Variants in CAP1 observed in about 807,000 individuals in gnomAD.
The protein encoded by CAP1 is adenylyl cyclase-associated protein 1.
CAP1 carries 11 observed loss-of-function variants against 58.2 expected under a neutral mutation model. The observed-to-expected ratio is 0.19, with a 90% CI of 0.12 to 0.31. The LOEUF is 0.31. Among genes scored for constraint, CAP1 ranks in the 10% least tolerant of loss-of-function variants. The pLI, the probability that CAP1 is intolerant of heterozygous loss-of-function variation, is 1.00. For synonymous variants in CAP1, 183 were observed against 213.8 expected, an observed-to-expected ratio of 0.86 and a Z score of 1.26; for missense variants, 423 against 587.5, an observed-to-expected ratio of 0.72 and a Z score of 2.89.
chr1:40,064,822 A>C (rs990021498), intron 6 of CAP1, among the ~76,000 whole-genome samples: 3 of 152,114 alleles, frequency 2.0e-5, no homozygotes, highest in Non-Finnish European at 4.4e-5. Context: ...TGGTCTCCCC[A>C]AAGTGCTGGG....
chr1:40,052,944 G>T (rs1037302441), intron 1 of CAP1, among the ~76,000 whole-genome samples: 2 of 151,978 alleles, frequency 1.3e-5, no homozygotes, highest in African/African-American at 4.8e-5. Flanking sequence ...CAAAAAATTG[G>T]CCAGGCATGG....
At chr1:40,061,705 TC>T in intron 3 of CAP1, 29 bp from the exon 4 acceptor site, 1 of 1,584,608 alleles carries the variant, frequency 6.3e-7, no homozygotes, top group Non-Finnish European at 8.7e-7. Flanking sequence ...TTATAATGTG[TC>T]ATCAATAGCT....
chr1:40,047,833 C>A (rs1413485228), intron 1 of CAP1, among the ~76,000 whole-genome samples: 1 of 152,192 alleles, frequency 6.6e-6, no homozygotes, highest in Non-Finnish European at 1.5e-5. Flanking sequence ...TTACTCACTC[C>A]TGGAGTTTCA....
upstream of CAP1, chr1:40,040,447 G>A (rs1335341781): frequency 1.3e-5 from 2 of 152,300 alleles, no homozygotes; most frequent in African/African-American, 4.8e-5. Flanking sequence ...TCCTGGGCCC[G>A]GGCCTCGGGG....
chr1:40,056,798 T>C (rs1455940902), intron 1 of CAP1, among the ~76,000 whole-genome samples: 2 of 152,070 alleles, frequency 1.3e-5, no homozygotes, highest in Non-Finnish European at 2.9e-5. Flanking sequence ...AAAAGGTGTG[T>C]CTTTCACACA....
intron 6 of CAP1, among the ~76,000 whole-genome samples, chr1:40,065,752 TA>T (rs1400132108): frequency 1.3e-5 from 2 of 152,224 alleles, no homozygotes; most frequent in Non-Finnish European, 2.9e-5. Context: ...TATTTTGACA[TA>T]AGGCATTGTC....
chr1:40,056,719 C>A (rs751432320), intron 1 of CAP1, among the ~76,000 whole-genome samples: 1 of 151,874 alleles, frequency 6.6e-6, no homozygotes, highest in Non-Finnish European at 1.5e-5. Context: ...GTTACTACAA[C>A]AAGGGTAGTC....
In CAP1 at chr1:40,070,249, C is replaced by A. The variant is rs774010811; in HGVS notation, c.1084C>A (p.Gln362Lys). 6.2e-7 allele frequency: 1 copy of A among 1,614,188 alleles called. No individual in the cohort carries two copies. Among genetic ancestry groups the A allele is most frequent in the Non-Finnish European group, 8.5e-7 (1 of 1,180,022 alleles). The change falls in exon 10 of 13, where the codon CAA becomes AAA. Residue 362 changes from glutamine to lysine, a missense_variant. Transcript: ENST00000372805. ...ATACAAGTGTGTCAACACGACATTG[C>A]AAATCAAGGGCAAAATTAACTCCAT... ...YIYKCVNTTL[Q>K]IKGKINSITV...
chr1:40,068,938 T>C (rs1647281053), intron 8 of CAP1, among the ~76,000 whole-genome samples: 1 of 152,150 alleles, frequency 6.6e-6, no homozygotes, highest in South Asian at 2.1e-4. Flanking sequence ...GTTCAAGCAG[T>C]TCTCCTGCCT....
intron 8 of CAP1, 93 bp downstream of exon 8, chr1:40,067,810 T>C: frequency 1.1e-6 from 1 of 909,684 alleles, no homozygotes; most frequent in South Asian, 1.6e-5. Flanking sequence ...CAACCCTGGC[T>C]TGTGTGGTGG....
intron 10 of CAP1, 69 bp downstream of exon 10, chr1:40,070,351 A>G: frequency 6.2e-7 from 1 of 1,609,168 alleles, no homozygotes; most frequent in Non-Finnish European, 8.5e-7. Context: ...CATTTTACCT[A>G]CCCTATCCTT....
At chr1:40,056,899 A>C (rs4596872) in intron 1 of CAP1, among the ~76,000 whole-genome samples, 1 of 87,602 alleles carries the variant, frequency 1.1e-5, no homozygotes, top group Non-Finnish European at 2.7e-5. Flanking sequence ...TCTTACTCCC[A>C]CCAAGAGCAA....
intron 4 of CAP1, 115 bp downstream of exon 4, chr1:40,061,927 T>A: frequency 1.3e-6 from 1 of 794,102 alleles, no homozygotes; most frequent in Non-Finnish European, 2.2e-6. Flanking sequence ...TGATAATATA[T>A]GTTCATACCA....
At chr1:40,064,137 C>A in intron 4 of CAP1, 90 bp from the exon 5 acceptor site, 1 of 1,264,442 alleles carries the variant, frequency 7.9e-7, no homozygotes, top group African/African-American at 1.5e-5. Flanking sequence ...TCACTAGAGT[C>A]CATAGAGAAT....
chr1:40,052,804 A>T (rs561302982), intron 1 of CAP1, among the ~76,000 whole-genome samples: 5 of 151,106 alleles, frequency 3.3e-5, no homozygotes, highest in African/African-American at 9.7e-5. Flanking sequence ...AAAATGGAAG[A>T]TGCTGGCCAG....
upstream of CAP1, chr1:40,040,638 G>A (rs1645767400): frequency 6.5e-6 from 1 of 152,756 alleles, no homozygotes; most frequent in Non-Finnish European, 1.5e-5. Flanking sequence ...GAGACTTCCT[G>A]CCCAGTCGCG....
At chr1:40,068,745 C>G (rs537832859) in intron 8 of CAP1, among the ~76,000 whole-genome samples, 2 of 152,052 alleles carry the variant, frequency 1.3e-5, no homozygotes, top group African/African-American at 4.8e-5. Context: ...ATGTTCAAAG[C>G]GAGGCGTGTG....
At position 40,072,261 on chromosome 1, in the gene CAP1, A is replaced by AC. The variant is rs1553165762; in HGVS notation, c.*728_*729insC. ...GAGATGACTTTAAAAGGAAAAAAAA[A>AC]AAAAAAAAAACCCACATGATTTCAA... On this transcript the variant is annotated 3_prime_UTR_variant, in exon 13 of 13. Coordinates refer to ENST00000372805, the MANE Select transcript of CAP1 (RefSeq NM_006367.4). The AC allele has an allele frequency of 6.9e-6, 2 of 289,820 alleles. No individual in the cohort carries two copies. The highest frequency in any genetic ancestry group is 1.5e-4 in the Admixed American group (2 of 13,086). 18.0% of individuals were successfully genotyped at this position (289,820 alleles called of 1,614,324 possible). A position where few individuals can be genotyped will look rare whatever the true frequency, so the allele number is the denominator to read the frequency against.
At chr1:40,066,817 A>G (rs940078188) in intron 7 of CAP1, among the ~76,000 whole-genome samples, 1 of 152,246 alleles carries the variant, frequency 6.6e-6, no homozygotes, top group Non-Finnish European at 1.5e-5. Flanking sequence ...CTTAAACAAA[A>G]TACATGCAGA....
Sources: allele counts gnomAD v4.1 joint callset (sites outside exome capture counted in the v4.1 genomes callset), GRCh38; gene constraint gnomAD v4.1.1; transcripts MANE v1.5; gene names NCBI Gene and HGNC (gene_info 2026-07-23, HGNC 2026-07-21).